DYNAP: variants seen among roughly 807,000 people sequenced by gnomAD.
DYNAP encodes the protein dynactin-associated protein.
Under a neutral mutation model 8.5 loss-of-function variants are expected in DYNAP, and 7 were observed. That is an observed-to-expected ratio of 0.82 (90% CI 0.47 to 1.54). The LOEUF is 1.54. Among genes scored for constraint, DYNAP ranks in the 40% most tolerant of loss-of-function variants. The pLI is 0.01. For synonymous variants in DYNAP, 77 were observed against 77.9 expected, an observed-to-expected ratio of 0.99 and a Z score of 0.06; for missense variants, 256 against 224.3, an observed-to-expected ratio of 1.14 and a Z score of -0.90.
upstream of DYNAP, among the ~76,000 whole-genome samples, chr18:54,586,028 C>T (rs1021325860): frequency 3.9e-5 from 6 of 152,156 alleles, no homozygotes; most frequent in Non-Finnish European, 5.9e-5. Flanking sequence ...ACCCCAATCT[C>T]GGGTCCAGAT....
upstream of DYNAP, among the ~76,000 whole-genome samples, chr18:54,584,642 A>G (rs1259181894): frequency 2.0e-5 from 3 of 152,178 alleles, no homozygotes; most frequent in African/African-American, 7.2e-5. Flanking sequence ...AAATATAAAC[A>G]CCAATTAAGG....
In DYNAP at chr18:54,598,077, A is replaced by G; in HGVS notation, c.487A>G (p.Thr163Ala). Residue 163 changes from threonine to alanine, a missense_variant, in exon 3 of 3, where the codon ACT (threonine) becomes GCT (alanine). By Grantham distance (58) the Thr-to-Ala change is moderately conservative. Transcript: ENST00000648945. Reference protein sequence around the residue: ...VPASTATESTTSTATAATTST... With the variant: ...VPASTATESTASTATAATTST... ...TGCAAGTACAGCCACTGAATCTACA[A>G]CTTCAACAGCTACAGCTGCCACCAC... The G allele has an allele frequency of 6.2e-7, 1 of 1,612,854 alleles. No individual in the cohort carries two copies. Among genetic ancestry groups the G allele is most frequent in the Non-Finnish European group, 8.5e-7 (1 of 1,179,608 alleles).
At chr18:54,594,623 TC>T (rs1911208995) in intron 1 of DYNAP, among the ~76,000 whole-genome samples, 1 of 152,098 alleles carries the variant, frequency 6.6e-6, no homozygotes, top group Non-Finnish European at 1.5e-5. Flanking sequence ...CAGCTCACCA[TC>T]CTCTTCCTTA....
intron 2 of DYNAP, 68 bp from the exon 3 acceptor site, chr18:54,597,745 T>C: frequency 1.4e-6 from 2 of 1,475,786 alleles, no homozygotes; most frequent in South Asian, 1.3e-5. Flanking sequence ...TTATAAGTAA[T>C]ATAAAAGAGA....
chr18:54,593,448 A>G (rs989072421), intron 1 of DYNAP, among the ~76,000 whole-genome samples: 4 of 152,154 alleles, frequency 2.6e-5, no homozygotes, highest in African/African-American at 9.6e-5. Flanking sequence ...ACATTGCTAC[A>G]AGCATTTGGC....
intron 2 of DYNAP, among the ~76,000 whole-genome samples, chr18:54,596,161 C>T (rs1911279504): frequency 6.6e-6 from 1 of 151,816 alleles, no homozygotes; most frequent in South Asian, 2.1e-4. Context: ...CAGCTTCAAC[C>T]TTCTGGGCTT....
intron 1 of DYNAP, 31 bp from the exon 2 acceptor site, chr18:54,594,908 C>A: frequency 6.3e-7 from 1 of 1,591,372 alleles, no homozygotes; most frequent in Non-Finnish European, 8.6e-7. Flanking sequence ...GTTTCCTAGG[C>A]TTCCTACTCA....
At chr18:54,584,813 T>G (rs887345177), upstream of DYNAP, among the ~76,000 whole-genome samples, 2 of 152,132 alleles carry the variant, frequency 1.3e-5, no homozygotes, top group African/African-American at 4.8e-5. Context: ...ATTTATACCT[T>G]TTTGTGTAGT....
Position 54,598,141 on chromosome 18 carries a change from T to G in DYNAP, c.551T>G (p.Leu184Ter), listed in dbSNP as rs1211278416. The G allele has an allele frequency of 6.2e-7, 1 of 1,605,076 alleles. No individual in the cohort carries two copies. The highest frequency in any genetic ancestry group is 1.3e-5 in the African/African-American group (1 of 74,802). The change falls in exon 3 of 3, where the codon TTA becomes TGA. Residue 184 changes from leucine (L) to a stop codon, truncating the protein, a stop_gained. Transcript: ENST00000648945. LOFTEE classifies it high-confidence loss of function. ...ATAACTGTTGCACCTACCGATCATT[T>G]ATAATTTGAACAGCCATAGCCATCA... is the stretch of plus-strand genomic sequence containing the variant. ...EPITVAPTDH[L>*]
chr18:54,580,814 C>T, the DYNAP span, among the ~76,000 whole-genome samples: 2 of 152,214 alleles, frequency 1.3e-5, no homozygotes, highest in South Asian at 4.1e-4. Context: ...TCAAATCCAC[C>T]TCATTTGTCT....
At chr18:54,594,813 G>T in intron 1 of DYNAP, 126 bp from the exon 2 acceptor site, 3 of 1,029,678 alleles carry the variant, frequency 2.9e-6, no homozygotes, top group Non-Finnish European at 2.7e-6. Flanking sequence ...ATCTTCAGGG[G>T]ATAAGAAAAC....
chr18:54,595,098 A>C lies in DYNAP; in HGVS notation c.217A>C (p.Thr73Pro). ...SRCLQSESCN[T>P]QVKEYCRNDW... The stretch of plus-strand genomic sequence containing the variant: ...ATGTCTACAGTCAGAATCCTGTAAC[A>C]CACAGGTAATGTGTAGCACGGGAGC... Residue 73 changes from threonine to proline, a missense_variant, in exon 2 of 3, where the codon ACA (threonine) becomes CCA (proline). Coordinates refer to ENST00000648945, the MANE Select transcript of DYNAP (RefSeq NM_173629.3). 6.2e-7 allele frequency: 1 copy of C among 1,611,372 alleles called. No homozygotes were observed. The highest frequency in any genetic ancestry group is 8.5e-7 in the Non-Finnish European group (1 of 1,178,358).
upstream of DYNAP, among the ~76,000 whole-genome samples, chr18:54,587,001 C>A (rs1034730720): frequency 3.3e-5 from 5 of 152,056 alleles, no homozygotes; most frequent in Non-Finnish European, 5.9e-5. Flanking sequence ...GTTTTAGATT[C>A]ACATCAAAAT....
rs1911385625 is a variant in DYNAP, at chr18:54,598,066, C to G, written c.476C>G (p.Thr159Ser). 1 of 1,613,124 alleles carries G rather than the reference C, an allele frequency of 6.2e-7. No homozygotes were observed. The highest frequency in any genetic ancestry group is 1.3e-5 in the African/African-American group (1 of 74,858). The change falls in exon 3 of 3, where the codon ACT becomes AGT. Residue 159 changes from threonine to serine, a missense_variant. Thr to Ser is a moderately conservative substitution (Grantham distance 58). Transcript: ENST00000648945. ...TCAACTGTACCTGCAAGTACAGCCACTGAATCTACAACTTCAACAGCTACA... is the reference window on the plus strand; with the variant it reads ...TCAACTGTACCTGCAAGTACAGCCAGTGAATCTACAACTTCAACAGCTACA... The part of the protein sequence containing the change: ...TTSTVPASTA[T>S]ESTTSTATAA...
At chr18:54,597,668 GA>G (rs1332888511) in intron 2 of DYNAP, 144 bp from the exon 3 acceptor site, 1 of 859,442 alleles carries the variant, frequency 1.2e-6, no homozygotes, top group African/African-American at 1.7e-5. Context: ...CCACCTGCAT[GA>G]AAACATGGAC....
At chr18:54,587,649 C>A (rs894537705), upstream of DYNAP, 1 of 377,642 alleles carries the variant, frequency 2.6e-6, no homozygotes, top group Non-Finnish European at 4.7e-6. Flanking sequence ...GCCAAACATA[C>A]AAATTAATTT....
At chr18:54,585,667 T>C (rs867845389), upstream of DYNAP, among the ~76,000 whole-genome samples, 3 of 152,220 alleles carry the variant, frequency 2.0e-5, no homozygotes, top group African/African-American at 7.2e-5. Context: ...TGGTTAATTC[T>C]CACTTCCTCT....
At chr18:54,597,264 T>TA (rs959886415) in intron 2 of DYNAP, among the ~76,000 whole-genome samples, 3 of 152,060 alleles carry the variant, frequency 2.0e-5, no homozygotes, top group African/African-American at 4.8e-5. Context: ...ATAAGAGGAA[T>TA]ACAGAGGATT....
chr18:54,582,103 A>G, the DYNAP span, among the ~76,000 whole-genome samples: 1 of 152,142 alleles, frequency 6.6e-6, no homozygotes, highest in Non-Finnish European at 1.5e-5. Flanking sequence ...TGGCTAACAC[A>G]GTGAAACCCC....
Sources: allele counts gnomAD v4.1 joint callset (sites outside exome capture counted in the v4.1 genomes callset), GRCh38; gene constraint gnomAD v4.1.1; transcripts MANE v1.5; gene names NCBI Gene and HGNC (gene_info 2026-07-23, HGNC 2026-07-21).